Variants in CASK observed in about 807,000 individuals in gnomAD.
The protein encoded by CASK is peripheral plasma membrane protein CASK.
In CASK, 4 loss-of-function variants were observed where a neutral mutation model predicts 82.9. The observed-to-expected ratio is 0.05, with a 90% confidence interval of 0.02 to 0.11. The LOEUF (loss-of-function observed/expected upper bound fraction) is 0.11. Ranked by LOEUF, CASK falls within the 10% of genes least tolerant of loss-of-function variation. The pLI is 1.00. For synonymous variants in CASK, 259 were observed against 253.5 expected (o/e 1.02, Z -0.20); for missense variants, 358 against 720.9 (o/e 0.50, Z 5.76).
chrX:41,903,090 G>C (rs1215844853), intron 1 of CASK, among the ~76,000 whole-genome samples: 1 of 112,298 alleles, frequency 8.9e-6, no homozygotes, highest in African/African-American at 3.2e-5. Context: ...ATGTGTCATA[G>C]TGTCACAACA....
chrX:41,871,266 A>AT (rs1213700792), intron 1 of CASK, among the ~76,000 whole-genome samples: 3 of 111,006 alleles, frequency 2.7e-5, no homozygotes, highest in Non-Finnish European at 5.7e-5. Flanking sequence ...TACTTAGGTA[A>AT]TTTTTTTTTA....
At chrX:41,827,475 G>C (rs1181922100) in intron 2 of CASK, among the ~76,000 whole-genome samples, 1 of 112,007 alleles carries the variant, frequency 8.9e-6, no homozygotes, top group African/African-American at 3.2e-5. Context: ...GGGGGCAAGT[G>C]ATCTCTCTAA....
chrX:41,621,175 T>C (rs1466131148), intron 11 of CASK, among the ~76,000 whole-genome samples: 1 of 110,822 alleles, frequency 9.0e-6, no homozygotes, highest in Non-Finnish European at 1.9e-5. Flanking sequence ...TCTTACATTT[T>C]AATAGTTATT....
chrX:41,639,216 G>A (rs1325907104), intron 8 of CASK, among the ~76,000 whole-genome samples: 1 of 109,122 alleles, frequency 9.2e-6, no homozygotes, highest in East Asian at 2.9e-4. Flanking sequence ...TGGGACTACA[G>A]GTGTGCACCA....
intron 2 of CASK, among the ~76,000 whole-genome samples, chrX:41,814,836 G>A (rs2070381360): frequency 8.9e-6 from 1 of 112,056 alleles, no homozygotes; most frequent in African/African-American, 3.2e-5. Context: ...TTTACCCACT[G>A]AACTAGAAAA....
intron 2 of CASK, among the ~76,000 whole-genome samples, chrX:41,815,488 C>T (rs2070393715): frequency 9.1e-6 from 1 of 110,254 alleles, no homozygotes; most frequent in Non-Finnish European, 1.9e-5. Context: ...AAAAGAAATA[C>T]AAAAAAATAA....
At chrX:41,797,631 A>G (rs768928659) in intron 2 of CASK, among the ~76,000 whole-genome samples, 5 of 111,987 alleles carry the variant, frequency 4.5e-5, no homozygotes, top group Non-Finnish European at 9.4e-5. Context: ...CAGAAGTGAC[A>G]GCAAGACAGT....
intron 8 of CASK, among the ~76,000 whole-genome samples, chrX:41,654,032 C>T (rs5918220): frequency 0.11 from 12,543 of 111,722 alleles, 669 homozygotes; most frequent in Middle Eastern, 0.17. Flanking sequence ...CCAGGTGAAG[C>T]GGCTCATTTG....
At chrX:41,689,254 T>C (rs924712904) in intron 5 of CASK, among the ~76,000 whole-genome samples, 5 of 111,897 alleles carry the variant, frequency 4.5e-5, no homozygotes, top group Non-Finnish European at 9.4e-5. Flanking sequence ...ACCTCTGCCT[T>C]GATTTCAAAT....
At chrX:41,845,000 GTTA>G (rs1487397837) in intron 2 of CASK, among the ~76,000 whole-genome samples, 1 of 111,509 alleles carries the variant, frequency 9.0e-6, no homozygotes, top group African/African-American at 3.3e-5. Flanking sequence ...ATTTGCTTCC[GTTA>G]TTGATTTCTG....
intron 5 of CASK, among the ~76,000 whole-genome samples, chrX:41,712,139 T>C (rs2067987578): frequency 8.9e-6 from 1 of 111,879 alleles, no homozygotes; most frequent in Non-Finnish European, 1.9e-5. Flanking sequence ...AGGTGGGAGA[T>C]GAGGAATCTT....
chrX:41,589,398 T>C, intron 13 of CASK, 117 bp downstream of exon 13: 1 of 526,525 alleles, frequency 1.9e-6, no homozygotes, highest in Admixed American at 2.7e-5. Context: ...TAAATCTGAA[T>C]ATAATGAGTC....
chrX:41,522,227 A>G (rs2064647318), intron 26 of CASK: 1 of 111,807 alleles, frequency 8.9e-6, no homozygotes, highest in Non-Finnish European at 1.9e-5. Flanking sequence ...AAAGGGGACT[A>G]GAAGTGAGAT....
chrX:41,808,992 C>T (rs916033995), intron 2 of CASK, among the ~76,000 whole-genome samples: 7 of 112,583 alleles, frequency 6.2e-5, no homozygotes, highest in African/African-American at 2.3e-4. Context: ...TCACTCCTTG[C>T]TAGCACAGCA....
intron 3 of CASK, among the ~76,000 whole-genome samples, chrX:41,773,620 G>A (rs1007703426): frequency 1.8e-5 from 2 of 111,120 alleles, no homozygotes; most frequent in African/African-American, 3.3e-5. Flanking sequence ...AGGGGATTTC[G>A]TTCCTGTACA....
intron 5 of CASK, chrX:41,695,481 T>A: frequency 2.2e-6 from 1 of 450,740 alleles, no homozygotes; most frequent in South Asian, 3.8e-5. Flanking sequence ...AAGCCCAGCC[T>A]ATTATTTACA....
chrX:41,626,479 C>T (rs2066377597), intron 10 of CASK, 125 bp downstream of exon 10: 1 of 525,640 alleles, frequency 1.9e-6, no homozygotes, highest in East Asian at 3.6e-5. Context: ...TGGTTGCTGA[C>T]AAACTTCCTT....
chrX:41,843,090 C>A (rs1294940156), intron 2 of CASK, among the ~76,000 whole-genome samples: 1 of 111,555 alleles, frequency 9.0e-6, no homozygotes, highest in Non-Finnish European at 1.9e-5. Context: ...TTCATATATA[C>A]ATGATAATGT....
chrX:41,885,882 T>C (rs1009769216), intron 1 of CASK, among the ~76,000 whole-genome samples: 4 of 112,113 alleles, frequency 3.6e-5, no homozygotes, highest in Non-Finnish European at 7.5e-5. Flanking sequence ...TTTACTCTAC[T>C]GGGTTAATAT....
Sources: allele counts gnomAD v4.1 joint callset (sites outside exome capture counted in the v4.1 genomes callset), GRCh38; gene constraint gnomAD v4.1.1; transcripts MANE v1.5; gene names NCBI Gene and HGNC (gene_info 2026-07-23, HGNC 2026-07-21).